Variants in MORN5 observed in about 807,000 individuals in gnomAD.
The protein encoded by MORN5 is MORN repeat-containing protein 5.
In MORN5, 21 loss-of-function variants were observed where a neutral mutation model predicts 22.1. The observed-to-expected ratio is 0.95, with a 90% CI of 0.67 to 1.37. MORN5 has a LOEUF of 1.37. MORN5 is among the 40% of genes most tolerant of loss of function. The pLI, the probability that MORN5 is intolerant of heterozygous loss-of-function variation, is 0.00. For missense variants in MORN5, 211 were observed against 215.1 expected, an observed-to-expected ratio of 0.98 and a Z score of 0.12; for synonymous variants, 73 against 74.0, an observed-to-expected ratio of 0.99 and a Z score of 0.07.
chr9:122,166,935 G>A lies in MORN5; in HGVS notation c.195+20G>A. On this transcript the variant is annotated intron_variant, in intron 2 of 4. Transcript: ENST00000373764. ...ATAAAGGTGATCAGCTGGGGGGACG[G>A]ATGCTGTGGAGGAGAGATCCTCACG... 6.2e-7 allele frequency: 1 copy of A among 1,607,572 alleles called. No homozygotes were observed. The highest frequency in any genetic ancestry group is 8.5e-7 in the Non-Finnish European group (1 of 1,176,666).
chr9:122,193,291 A>G (rs1009406802), intron 4 of MORN5, among the ~76,000 whole-genome samples: 2 of 152,252 alleles, frequency 1.3e-5, no homozygotes, highest in Non-Finnish European at 2.9e-5. Flanking sequence ...TTGTGTTAAA[A>G]GCAGCAATTT....
At chr9:122,179,588 G>A (rs1282525065) in intron 4 of MORN5, among the ~76,000 whole-genome samples, 1 of 152,176 alleles carries the variant, frequency 6.6e-6, no homozygotes, top group Non-Finnish European at 1.5e-5. Context: ...AAATGAGAGA[G>A]TTGAACTGGA....
chr9:122,196,857 C>A (rs769510899), intron 4 of MORN5, among the ~76,000 whole-genome samples: 23 of 152,060 alleles, frequency 1.5e-4, no homozygotes, highest in Admixed American at 3.9e-4. Flanking sequence ...TGCTTATTAT[C>A]ACATCAAAAA....
At position 122,174,521 on chromosome 9, in the gene MORN5, C is replaced by A. The variant is rs1203958986; in HGVS notation, c.333C>A (p.Asp111Glu). The A allele has an allele frequency of 6.2e-7, 1 of 1,614,076 alleles. No homozygotes were observed. The highest frequency in any genetic ancestry group is 8.5e-7 in the Non-Finnish European group (1 of 1,180,002). Residue 111 changes from aspartate to glutamate, a missense_variant, in exon 4 of 5, where the codon GAC becomes GAA. Physicochemically the swap from Asp to Glu is conservative, Grantham distance 45. Coordinates refer to ENST00000373764, the MANE Select transcript of MORN5 (RefSeq NM_198469.4). ...GTATGGCTCAACTCACCAATATGGA[C>A]CCACCTAGAAAAATCCCCAAGGGCT... is the stretch of plus-strand genomic sequence containing the variant. ...PAGMAQLTNMDPPRKIPKGYY... is the reference protein window; with the variant it reads ...PAGMAQLTNMEPPRKIPKGYY...
At chr9:122,170,454 A>G (rs1029720372) in intron 3 of MORN5, among the ~76,000 whole-genome samples, 2 of 152,208 alleles carry the variant, frequency 1.3e-5, no homozygotes, top group Non-Finnish European at 2.9e-5. Flanking sequence ...GGTACCTACT[A>G]TAACACTAAA....
At chr9:122,186,811 G>A (rs1161880810) in intron 4 of MORN5, among the ~76,000 whole-genome samples, 1 of 152,206 alleles carries the variant, frequency 6.6e-6, no homozygotes, top group Non-Finnish European at 1.5e-5. Flanking sequence ...ATAGAAGTGA[G>A]TGGAAAGCCA....
At chr9:122,175,987 G>A (rs779392502) in intron 4 of MORN5, among the ~76,000 whole-genome samples, 2 of 152,024 alleles carry the variant, frequency 1.3e-5, no homozygotes, top group Admixed American at 6.6e-5. Context: ...GGTGGCGGGC[G>A]CCTGTAGTCC....
Position 122,199,598 on chromosome 9 carries a change from T to C in MORN5, c.440-287T>C, listed in dbSNP as rs79504331. Among the ~76,000 whole-genome samples, 221 of 152,340 alleles carry C rather than the reference T, an allele frequency of 1.5e-3. 8 individuals carry two copies. The East Asian group carries it at 0.04, about 28-fold the overall frequency. On this transcript the variant is annotated intron_variant, in intron 4 of 4. Transcript: ENST00000373764. Reference sequence around the variant, plus strand: ...GGCAAGTGCCCGACTGTGAAGCAGCTGCTCTCTGCCTGTCAGGATGAGTCC... The same window carrying C: ...GGCAAGTGCCCGACTGTGAAGCAGCCGCTCTCTGCCTGTCAGGATGAGTCC...
At chr9:122,193,839 C>T (rs915017829) in intron 4 of MORN5, among the ~76,000 whole-genome samples, 11 of 152,102 alleles carry the variant, frequency 7.2e-5, no homozygotes, top group African/African-American at 2.7e-4. Context: ...GCAGTTCCTC[C>T]GGTGGCTGCA....
intron 4 of MORN5, among the ~76,000 whole-genome samples, chr9:122,196,566 C>T (rs1452685991): frequency 2.6e-5 from 4 of 151,232 alleles, no homozygotes; most frequent in East Asian, 3.9e-4. Flanking sequence ...CTCTTGACCT[C>T]GTGATCCACC....
intron 3 of MORN5, among the ~76,000 whole-genome samples, chr9:122,170,301 A>G (rs1358327822): frequency 2.7e-5 from 4 of 150,644 alleles, no homozygotes; most frequent in Admixed American, 2.0e-4. Context: ...GGTCTCAGAA[A>G]AAAAAAAAAA....
In MORN5 at chr9:122,197,749, G is replaced by A. The variant is rs1437223910; in HGVS notation, c.440-2136G>A. Among the ~76,000 whole-genome samples the A allele has an allele frequency of 6.6e-6, 1 of 152,240 alleles. No homozygotes were observed. Among genetic ancestry groups the A allele is most frequent in the African/African-American group, 2.4e-5 (1 of 41,466 alleles). Reference sequence around the variant, plus strand: ...CTGCTGAAGAGGTTGCAGCTGCACTGATTCGAATAGCCTGGAGACTTCAGA... The same window carrying A: ...CTGCTGAAGAGGTTGCAGCTGCACTAATTCGAATAGCCTGGAGACTTCAGA... On this transcript the variant is annotated intron_variant, in intron 4 of 4. Coordinates refer to ENST00000373764, the MANE Select transcript of MORN5 (RefSeq NM_198469.4). The surrounding 1 kb of genome is among the most constrained non-coding windows in gnomAD (Gnocchi z 5.7).
chr9:122,179,630 G>A (rs1424637621), intron 4 of MORN5, among the ~76,000 whole-genome samples: 1 of 152,160 alleles, frequency 6.6e-6, no homozygotes, highest in Non-Finnish European at 1.5e-5. Context: ...CCTTAAGTAA[G>A]AGTCTATGAT....
At chr9:122,165,395 C>CAAA (rs59306308) in intron 1 of MORN5, among the ~76,000 whole-genome samples, 2,797 of 81,408 alleles carry the variant, frequency 0.034, 58 homozygotes, top group African/African-American at 0.063. Flanking sequence ...CCCGTCTCTA[C>CAAA]AAAAAAAAAA....
intron 4 of MORN5, among the ~76,000 whole-genome samples, chr9:122,186,353 C>A (rs903883145): frequency 6.6e-6 from 1 of 152,180 alleles, no homozygotes; most frequent in Non-Finnish European, 1.5e-5. Context: ...AGAGGCCATG[C>A]TCTGAACTGA....
At chr9:122,175,971 G>A (rs375848370) in intron 4 of MORN5, among the ~76,000 whole-genome samples, 4 of 152,092 alleles carry the variant, frequency 2.6e-5, no homozygotes, top group East Asian at 1.9e-4. Flanking sequence ...AAAATTAGCC[G>A]GGTGCGGTGG....
intron 1 of MORN5, among the ~76,000 whole-genome samples, chr9:122,161,897 C>T (rs1257494800): frequency 6.6e-6 from 1 of 152,168 alleles, no homozygotes; most frequent in African/African-American, 2.4e-5. Flanking sequence ...CCTCTGTAAC[C>T]ACGATAGGGA....
At chr9:122,174,701 G>GTATGC (rs1321618562) in intron 4 of MORN5, 74 bp downstream of exon 4, 1 of 1,610,396 alleles carries the variant, frequency 6.2e-7, no homozygotes, top group East Asian at 2.2e-5. Flanking sequence ...ATGTACAAAT[G>GTATGC]TATGCACACA....
chr9:122,165,150 T>G (rs1229582922), intron 1 of MORN5, among the ~76,000 whole-genome samples: 3 of 152,096 alleles, frequency 2.0e-5, no homozygotes, highest in African/African-American at 7.2e-5. Flanking sequence ...TTAGGAGGAA[T>G]GGAGAAGGAA....
Sources: gnomAD v4.1 joint callset for allele counts (sites outside exome capture counted in the v4.1 genomes callset) on GRCh38, gnomAD v4.1.1 for gene constraint, Gnocchi (gnomAD v3.1) non-coding constraint, MANE v1.5 for transcripts, NCBI Gene and HGNC (gene_info 2026-07-23, HGNC 2026-07-21) for gene names.